Variants in SCML4 observed in about 807,000 individuals in gnomAD.
SCML4 encodes the protein sex comb on midleg-like protein 4.
A neutral mutation model predicts 41.1 loss-of-function variants in SCML4; 34 were observed. The observed-to-expected ratio is 0.83, with a 90% CI of 0.63 to 1.10. The LOEUF (loss-of-function observed/expected upper bound fraction) is 1.10. SCML4 is among the 50% of genes least tolerant of loss of function. SCML4 has a pLI of 0.00. For synonymous variants in SCML4, 214 were observed against 220.9 expected (o/e 0.97, Z 0.28); for missense variants, 522 against 534.1 (o/e 0.98, Z 0.22).
At position 107,812,823 on chromosome 6, in the gene SCML4, G is replaced by A. The variant is rs147284044; in HGVS notation, c.-60+11303C>T. On this transcript the variant is annotated intron_variant, in intron 1 of 7. Coordinates refer to ENST00000369020, the MANE Select transcript of SCML4 (RefSeq NM_198081.5). ...CCAATCACAGATCTCGGGACTTCTC[G>A]GCCTCCATAATCATTTGACCAACTC... is the stretch of plus-strand genomic sequence containing the variant. Among the ~76,000 whole-genome samples, 23 of 149,874 alleles carry A rather than the reference G, an allele frequency of 1.5e-4. No homozygotes were observed. The East Asian group carries it at 4.0e-3, about 26-fold the overall frequency.
chr6:107,756,976 C>T (rs1208387515), intron 2 of SCML4, among the ~76,000 whole-genome samples: 1 of 152,266 alleles, frequency 6.6e-6, no homozygotes, highest in East Asian at 1.9e-4. Context: ...GCCACCTTTA[C>T]CTGAGATTCA....
chr6:107,735,652 A>C (rs1776991511), intron 5 of SCML4, among the ~76,000 whole-genome samples: 1 of 151,880 alleles, frequency 6.6e-6, no homozygotes, highest in Non-Finnish European at 1.5e-5. Flanking sequence ...TACAAAAATT[A>C]GCCAGGCATG....
intron 2 of SCML4, among the ~76,000 whole-genome samples, chr6:107,754,407 G>A (rs965736085): frequency 1.3e-5 from 2 of 152,206 alleles, no homozygotes; most frequent in Non-Finnish European, 2.9e-5. Context: ...GTGTCATGAG[G>A]GTGGCGGCTG....
chr6:107,735,817 T>G (rs1049739968), intron 5 of SCML4, among the ~76,000 whole-genome samples: 23 of 147,992 alleles, frequency 1.6e-4, no homozygotes, highest in Non-Finnish European at 3.1e-4. Flanking sequence ...AAAAAAAAAT[T>G]ATCATCTTTA....
chr6:107,767,955 C>T (rs1780198374), intron 2 of SCML4, among the ~76,000 whole-genome samples: 1 of 152,084 alleles, frequency 6.6e-6, no homozygotes, highest in South Asian at 2.1e-4. Flanking sequence ...GAGGTAGAAA[C>T]TGTGTGTTAA....
At chr6:107,777,569 T>G (rs1218201194) in intron 1 of SCML4, among the ~76,000 whole-genome samples, 1 of 152,196 alleles carries the variant, frequency 6.6e-6, no homozygotes, top group African/African-American at 2.4e-5. Context: ...CAGTTTTTGT[T>G]CTTGAGCCAC....
chr6:107,794,177 G>A (rs893180382), intron 1 of SCML4, among the ~76,000 whole-genome samples: 14 of 152,220 alleles, frequency 9.2e-5, no homozygotes, highest in Non-Finnish European at 1.3e-4. Flanking sequence ...CAGAGTGACT[G>A]TTACAAAGAA....
chr6:107,811,002 C>G (rs1784120739), intron 1 of SCML4, among the ~76,000 whole-genome samples: 1 of 152,062 alleles, frequency 6.6e-6, no homozygotes, highest in Non-Finnish European at 1.5e-5. Context: ...AAGGATGGGG[C>G]CCTAATCCAA....
Position 107,720,693 on chromosome 6 carries a change from A to C in SCML4, c.973+10T>G. The stretch of plus-strand genomic sequence containing the variant: ...AAGTCAGTGGGAAGCTGATGCATGC[A>C]TTACATTACCACATCTGTTTCCTTC... On this transcript the variant is annotated intron_variant, in intron 6 of 7. Transcript: ENST00000369020. 6.5e-7 allele frequency: 1 copy of C among 1,530,136 alleles called. No homozygotes were observed. Among genetic ancestry groups the C allele is most frequent in the South Asian group, 1.3e-5 (1 of 76,938 alleles). 94.8% of individuals were successfully genotyped at this position (1,530,136 alleles called of 1,614,324 possible). A position where few individuals can be genotyped will look rare whatever the true frequency, so the allele number is the denominator to read the frequency against.
the SCML4 span, among the ~76,000 whole-genome samples, chr6:107,844,935 TAAAAA>T: frequency 2.6e-3 from 362 of 141,702 alleles, no homozygotes; most frequent in African/African-American, 7.9e-3. Context: ...ATATGTATAT[TAAAAA>T]AAAAAAAAAA....
chr6:107,784,770 T>C (rs570276437), intron 1 of SCML4, among the ~76,000 whole-genome samples: 2 of 152,372 alleles, frequency 1.3e-5, no homozygotes, highest in East Asian at 3.9e-4. Flanking sequence ...ATGAGTCAGG[T>C]ACTCTGGACC....
At chr6:107,776,258 AG>A (rs1780938316) in intron 1 of SCML4, among the ~76,000 whole-genome samples, 1 of 152,246 alleles carries the variant, frequency 6.6e-6, no homozygotes, top group African/African-American at 2.4e-5. Flanking sequence ...GAACAACAAA[AG>A]GTTAATACAA....
rs6924932 is a variant in SCML4 at position 107,732,894 on chromosome 6, G to A, written c.683-11901C>T. 2.9e-3 allele frequency among the ~76,000 whole-genome samples: 436 copies of A among 152,298 alleles called. 3 individuals are homozygous for A. Among genetic ancestry groups the A allele is most frequent in the African/African-American group, 9.9e-3 (411 of 41,554 alleles). Reference sequence around the variant, plus strand: ...TGCTGAAGTTCCTGGAATAGAGGACGCCTTGTAAGTTTCCTTTCTAAATGG... The same window carrying A: ...TGCTGAAGTTCCTGGAATAGAGGACACCTTGTAAGTTTCCTTTCTAAATGG... On this transcript the variant is annotated intron_variant, in intron 5 of 7. Transcript: ENST00000369020.
chr6:107,831,895 T>TAC, the SCML4 span, among the ~76,000 whole-genome samples: 103,757 of 150,526 alleles, frequency 0.69, 36,337 homozygotes, highest in South Asian at 0.81. Flanking sequence ...TACTAAAAAA[T>TAC]ACACACACAC....
At chr6:107,755,220 A>G (rs183317413) in intron 2 of SCML4, among the ~76,000 whole-genome samples, 2 of 152,190 alleles carry the variant, frequency 1.3e-5, no homozygotes, top group Non-Finnish European at 2.9e-5. Context: ...AATTACAGGG[A>G]TTAGATTAAA....
intron 5 of SCML4, among the ~76,000 whole-genome samples, chr6:107,735,653 G>A (rs1176472226): frequency 6.6e-6 from 1 of 151,876 alleles, no homozygotes; most frequent in Non-Finnish European, 1.5e-5. Flanking sequence ...ACAAAAATTA[G>A]CCAGGCATGG....
chr6:107,795,674 C>T (rs545856448), intron 1 of SCML4, among the ~76,000 whole-genome samples: 13 of 152,188 alleles, frequency 8.5e-5, no homozygotes, highest in East Asian at 3.9e-4. Flanking sequence ...GTTACAGGCG[C>T]GCACCACCAC....
At chr6:107,734,986 C>T (rs1384564603) in intron 5 of SCML4, among the ~76,000 whole-genome samples, 1 of 152,128 alleles carries the variant, frequency 6.6e-6, no homozygotes. Context: ...AGAAATTCTC[C>T]TCCCTCAGCC....
At chr6:107,833,825 A>G in the SCML4 span, among the ~76,000 whole-genome samples, 3 of 152,164 alleles carry the variant, frequency 2.0e-5, no homozygotes, top group African/African-American at 7.2e-5. Context: ...TTCTGGCTTG[A>G]CCATGTCCAT....
Sources: allele counts gnomAD v4.1 joint callset (sites outside exome capture counted in the v4.1 genomes callset), GRCh38; gene constraint gnomAD v4.1.1; transcripts MANE v1.5; gene names NCBI Gene and HGNC (gene_info 2026-07-23, HGNC 2026-07-21).